The following FOXN3 variants were observed in gnomAD, a reference collection of about 807,000 sequenced individuals.
FOXN3 encodes the protein forkhead box N3.
Under a neutral mutation model 38.4 loss-of-function variants are expected in FOXN3, and 7 were observed. That is an observed-to-expected ratio of 0.18 (90% CI 0.10 to 0.34). FOXN3 has a LOEUF of 0.34. FOXN3 is among the 10% of genes least tolerant of loss of function. The pLI, the probability that FOXN3 is intolerant of heterozygous loss-of-function variation, is 1.00. For missense variants in FOXN3, 456 were observed against 613.4 expected (o/e 0.74, Z 2.71); for synonymous variants, 230 against 242.2 (o/e 0.95, Z 0.47).
intron 4 of FOXN3, among the ~76,000 whole-genome samples, chr14:89,184,574 C>G (rs1157031810): frequency 6.6e-6 from 1 of 152,254 alleles, no homozygotes; most frequent in Admixed American, 6.5e-5. Flanking sequence ...ATGAGGTATA[C>G]TGCAGTGGTT....
At chr14:89,389,306 CA>C (rs35345814) in intron 2 of FOXN3, among the ~76,000 whole-genome samples, 19,028 of 146,674 alleles carry the variant, frequency 0.13, 1,461 homozygotes, top group East Asian at 0.36. Flanking sequence ...GTACTTAAAA[CA>C]AAAAAAAAAG....
intron 1 of FOXN3, among the ~76,000 whole-genome samples, chr14:89,549,850 T>C (rs1287066432): frequency 6.6e-6 from 1 of 152,198 alleles, no homozygotes; most frequent in Non-Finnish European, 1.5e-5. Flanking sequence ...TATTAAGCTA[T>C]CTCCAGTCTG....
intron 3 of FOXN3, among the ~76,000 whole-genome samples, chr14:89,285,224 C>A (rs889243010): frequency 6.6e-6 from 1 of 152,110 alleles, no homozygotes; most frequent in Non-Finnish European, 1.5e-5. Flanking sequence ...CTAGGACCTA[C>A]AAAAGAGAGA....
intron 1 of FOXN3, among the ~76,000 whole-genome samples, chr14:89,466,040 G>C (rs1037207500): frequency 1.3e-5 from 2 of 152,184 alleles, no homozygotes; most frequent in African/African-American, 4.8e-5. Context: ...CCCCACATAA[G>C]TCACAGTGTG....
intron 3 of FOXN3, among the ~76,000 whole-genome samples, chr14:89,332,046 G>T (rs959979708): frequency 2.6e-5 from 4 of 152,044 alleles, no homozygotes; most frequent in Non-Finnish European, 5.9e-5. Flanking sequence ...ATTGACCACG[G>T]GCAACTTCAT....
chr14:89,422,135 G>T (rs957819998), upstream of FOXN3, among the ~76,000 whole-genome samples: 75 of 152,310 alleles, frequency 4.9e-4, no homozygotes, highest in African/African-American at 3.6e-4. Flanking sequence ...GCCTCCCAAA[G>T]TGCTGGGATT....
chr14:89,370,732 C>T (rs1029313755), intron 2 of FOXN3, among the ~76,000 whole-genome samples: 1 of 152,206 alleles, frequency 6.6e-6, no homozygotes. Context: ...ATTATCTACA[C>T]TGGATTTGTT....
chr14:89,610,451 C>T (rs1896366644), intron 1 of FOXN3, among the ~76,000 whole-genome samples: 1 of 152,236 alleles, frequency 6.6e-6, no homozygotes, highest in Admixed American at 6.5e-5. Context: ...CGGGATAACT[C>T]ACGACTGGCT....
intron 4 of FOXN3, among the ~76,000 whole-genome samples, chr14:89,260,369 G>A (rs995241691): frequency 6.6e-5 from 10 of 152,252 alleles, no homozygotes. Context: ...CTCTGGGAGA[G>A]CCCGACCACT....
intron 1 of FOXN3, among the ~76,000 whole-genome samples, chr14:89,537,815 A>T (rs1894719400): frequency 6.6e-6 from 1 of 152,254 alleles, no homozygotes; most frequent in African/African-American, 2.4e-5. Flanking sequence ...AAAGAGGCTC[A>T]TACTTAATAC....
chr14:89,603,900 G>A (rs935748128), intron 1 of FOXN3, among the ~76,000 whole-genome samples: 2 of 152,004 alleles, frequency 1.3e-5, no homozygotes, highest in Non-Finnish European at 2.9e-5. Flanking sequence ...ATAATAAGAG[G>A]CATCCAGCTA....
intron 3 of FOXN3, among the ~76,000 whole-genome samples, chr14:89,307,291 T>A (rs1019655448): frequency 6.6e-6 from 1 of 152,206 alleles, no homozygotes; most frequent in African/African-American, 2.4e-5. Context: ...ATTCAAAATG[T>A]TTTTCTTAAG....
At chr14:89,230,777 G>A (rs10147606) in intron 4 of FOXN3, 12,619 of 424,686 alleles carry the variant, frequency 0.03, 1,384 homozygotes, top group African/African-American at 0.24. Flanking sequence ...AAACATTCTT[G>A]GATAGTAGAG....
intron 1 of FOXN3, among the ~76,000 whole-genome samples, chr14:89,567,388 G>C (rs1895378769): frequency 6.8e-6 from 1 of 146,954 alleles, no homozygotes; most frequent in South Asian, 2.1e-4. Flanking sequence ...AGGCAAGACT[G>C]TAAAAGGTAC....
rs1887409236 is a variant in FOXN3 at position 89,307,382 on chromosome 14, GC to G, written c.681-26369del. ...TATGTAAATCTACACCTTTTTTTAA[GC>G]TGAAATAATTCTGGTTATTAAAAAC... is the stretch of plus-strand genomic sequence containing the variant. On this transcript the variant is annotated intron_variant, in intron 3 of 5. Transcript: ENST00000557258. Among the ~76,000 whole-genome samples, 3 of 152,130 alleles carry G rather than the reference GC, an allele frequency of 2.0e-5. No homozygotes were observed. In the South Asian group the frequency reaches 6.2e-4, roughly 32 times the overall value.
At chr14:89,219,643 T>C (rs897961180) in intron 4 of FOXN3, among the ~76,000 whole-genome samples, 48 of 152,324 alleles carry the variant, frequency 3.2e-4, no homozygotes, top group African/African-American at 1.1e-3. Flanking sequence ...TTGGGGCAAT[T>C]TGACGTAACC....
intron 3 of FOXN3, among the ~76,000 whole-genome samples, chr14:89,324,363 T>C (rs1187072540): frequency 6.6e-6 from 1 of 152,006 alleles, no homozygotes. Flanking sequence ...GAAATATTGA[T>C]CACTAGCCAG....
chr14:89,226,259 C>T lies in FOXN3; in HGVS notation c.746-45453G>A, dbSNP rs1251449587. Among the ~76,000 whole-genome samples, 5 of 151,800 alleles carry T rather than the reference C, an allele frequency of 3.3e-5. No individual in the cohort carries two copies. The East Asian group carries it at 9.7e-4, about 29-fold the overall frequency. ...AGAAAGGTAGAGAGAGAGAATCTTA[C>T]TGTCAACCAGGCTGGGGTGCATTTG... is the stretch of plus-strand genomic sequence containing the variant. On this transcript the variant is annotated intron_variant, in intron 4 of 5. Transcript: ENST00000557258.
At chr14:89,527,719 T>TTTG (rs60566758) in intron 1 of FOXN3, among the ~76,000 whole-genome samples, 52,661 of 146,448 alleles carry the variant, frequency 0.36, 9,252 homozygotes, top group South Asian at 0.55. Flanking sequence ...TTTTTTTTTT[T>TTTG]GATACAGAGT....
Sources: allele counts gnomAD v4.1 joint callset (sites outside exome capture counted in the v4.1 genomes callset), GRCh38; gene constraint gnomAD v4.1.1; transcripts MANE v1.5; gene names NCBI Gene and HGNC (gene_info 2026-07-23, HGNC 2026-07-21).